Variants in KCTD16 observed in about 807,000 individuals in gnomAD.
KCTD16 encodes the protein potassium channel tetramerization domain containing 16.
In KCTD16, 13 loss-of-function variants were observed where a neutral mutation model predicts 33.2. The observed-to-expected ratio is 0.39, with a 90% CI of 0.25 to 0.62. The LOEUF (loss-of-function observed/expected upper bound fraction) is 0.62. Among genes scored for constraint, KCTD16 ranks in the 20% least tolerant of loss-of-function variants. The probability of loss-of-function intolerance (pLI) is 0.50; values close to 1 mark genes in which losing one functional copy is unlikely to be tolerated. For synonymous variants in KCTD16, 197 were observed against 195.3 expected (o/e 1.01, Z -0.07); for missense variants, 441 against 525.1 (o/e 0.84, Z 1.57).
chr5:144,388,303 G>A (rs528150678), intron 3 of KCTD16, among the ~76,000 whole-genome samples: 55 of 151,794 alleles, frequency 3.6e-4, no homozygotes, highest in African/African-American at 1.3e-3. Context: ...GGATGGTCTC[G>A]ATCTACTGAC....
At chr5:144,267,010 T>C (rs1454149380) in intron 3 of KCTD16, among the ~76,000 whole-genome samples, 4 of 152,232 alleles carry the variant, frequency 2.6e-5, no homozygotes, top group African/African-American at 9.6e-5. Context: ...ATATATATTT[T>C]TTTCCTTGAC....
chr5:144,294,968 G>C (rs749930084), intron 3 of KCTD16, among the ~76,000 whole-genome samples: 36 of 152,202 alleles, frequency 2.4e-4, no homozygotes, highest in African/African-American at 8.7e-4. Flanking sequence ...ACCTTTATCC[G>C]TACTGTTCAT....
chr5:144,207,131 T>C lies in KCTD16; in HGVS notation c.417T>C (p.Phe139=). 6.2e-7 allele frequency: 1 copy of C among 1,611,074 alleles called. No homozygotes were observed. Among genetic ancestry groups the C allele is most frequent in the Non-Finnish European group, 8.5e-7 (1 of 1,178,720 alleles). The part of the protein sequence containing the change: ...QSPDEFCHSD[F]EDASQGSDTR... ...CAGATGAATTCTGCCACAGTGACTT[T>C]GAAGATGCCTCCCAAGGAAGCGACA... The change falls in exon 3 of 4, where the codon TTT becomes TTC. Residue 139 remains phenylalanine (F), a synonymous_variant. Coordinates refer to ENST00000512467, the MANE Select transcript of KCTD16 (RefSeq NM_020768.4).
intron 3 of KCTD16, among the ~76,000 whole-genome samples, chr5:144,356,027 C>T (rs1165559648): frequency 6.6e-6 from 1 of 152,136 alleles, no homozygotes; most frequent in African/African-American, 2.4e-5. Flanking sequence ...AAGCTGAATT[C>T]TACTGAGTTT....
intron 3 of KCTD16, among the ~76,000 whole-genome samples, chr5:144,374,548 A>T (rs1374797003): frequency 6.6e-6 from 1 of 152,158 alleles, no homozygotes; most frequent in Non-Finnish European, 1.5e-5. Flanking sequence ...TTTCTTTAGA[A>T]AGCTAACTTT....
chr5:144,299,146 ATATTTT>A (rs1337983398), intron 3 of KCTD16, among the ~76,000 whole-genome samples: 15 of 10,294 alleles, frequency 1.5e-3, no homozygotes, highest in Non-Finnish European at 1.6e-3. Flanking sequence ...ATATATATAT[ATATTTT>A]TTTTTTTTTT....
At chr5:144,452,165 T>TATATATATATATATA (rs1561613198) in intron 3 of KCTD16, among the ~76,000 whole-genome samples, 5 of 148,258 alleles carry the variant, frequency 3.4e-5, no homozygotes, top group African/African-American at 1.3e-4. Context: ...TATATATATA[T>TATATATATATATATA]TCCTGTCACT....
At chr5:144,337,836 G>C (rs1407430735) in intron 3 of KCTD16, among the ~76,000 whole-genome samples, 2 of 152,108 alleles carry the variant, frequency 1.3e-5, no homozygotes, top group African/African-American at 4.8e-5. Context: ...AAGACCTTTA[G>C]AGCCAGAGTG....
At chr5:144,203,595 A>T (rs1328997875) in intron 2 of KCTD16, among the ~76,000 whole-genome samples, 1 of 152,008 alleles carries the variant, frequency 6.6e-6, no homozygotes, top group Non-Finnish European at 1.5e-5. Flanking sequence ...AAAGATTATA[A>T]TTTTTCTTAC....
chr5:144,305,554 G>A (rs1174439415), intron 3 of KCTD16, among the ~76,000 whole-genome samples: 3 of 152,252 alleles, frequency 2.0e-5, no homozygotes, highest in African/African-American at 4.8e-5. Context: ...AGTGGCTCAC[G>A]CCTGTAATCC....
At chr5:144,300,449 T>C (rs866370500) in intron 3 of KCTD16, among the ~76,000 whole-genome samples, 2 of 152,178 alleles carry the variant, frequency 1.3e-5, no homozygotes, top group South Asian at 2.1e-4. Context: ...AGGGTGCAAA[T>C]TGTCTCATGC....
intron 3 of KCTD16, among the ~76,000 whole-genome samples, chr5:144,470,444 G>C (rs2127000177): frequency 6.6e-6 from 1 of 152,326 alleles, no homozygotes; most frequent in Middle Eastern, 3.4e-3. Flanking sequence ...TAGGACTACA[G>C]TTGGGCTGTA....
intron 3 of KCTD16, among the ~76,000 whole-genome samples, chr5:144,299,148 ATTTTT>A (rs369343270): frequency 6.3e-3 from 89 of 14,026 alleles, no homozygotes; most frequent in East Asian, 0.023. Flanking sequence ...ATATATATAT[ATTTTT>A]TTTTTTTTTT....
At chr5:144,197,017 G>A (rs888115340) in intron 2 of KCTD16, among the ~76,000 whole-genome samples, 2 of 152,128 alleles carry the variant, frequency 1.3e-5, no homozygotes, top group African/African-American at 2.4e-5. Context: ...TCTTGTGCCC[G>A]GTATGTGTGT....
At chr5:144,299,517 T>C (rs565531901) in intron 3 of KCTD16, among the ~76,000 whole-genome samples, 27 of 152,162 alleles carry the variant, frequency 1.8e-4, no homozygotes, top group African/African-American at 6.5e-4. Context: ...CCCTCCAATA[T>C]TGGAATGAAA....
rs1253036517 is a variant in KCTD16 at position 144,453,954 on chromosome 5, T to G, written c.833-19706T>G. Among the ~76,000 whole-genome samples the G allele has an allele frequency of 3.9e-5, 6 of 152,228 alleles. No homozygotes were observed. In the East Asian group the frequency reaches 1.2e-3, roughly 29 times the overall value. On this transcript the variant is annotated intron_variant, in intron 3 of 3. Coordinates refer to ENST00000512467, the MANE Select transcript of KCTD16 (RefSeq NM_020768.4). ...GGTGACCTCATGTTCAGACTATCTGTGTAACACCGAGCCCAGTCAGTAAAC... is the reference window on the plus strand; with the variant it reads ...GGTGACCTCATGTTCAGACTATCTGGGTAACACCGAGCCCAGTCAGTAAAC...
At chr5:144,306,938 C>G (rs1002093449) in intron 3 of KCTD16, among the ~76,000 whole-genome samples, 4 of 152,210 alleles carry the variant, frequency 2.6e-5, no homozygotes, top group Admixed American at 2.0e-4. Flanking sequence ...AAAATTCTCT[C>G]TCCTCTGATC....
At position 144,474,253 on chromosome 5, in the gene KCTD16, GCC is replaced by G. The variant is rs1754546842; in HGVS notation, c.*140_*141del. On this transcript the variant is annotated 3_prime_UTR_variant, in exon 4 of 4. Transcript: ENST00000512467. Reference sequence around the variant, plus strand: ...CACAATAGTCCATTGATATACTACTGCCTACTTTACCTAGTTCACCTTAACAT... The same window carrying G: ...CACAATAGTCCATTGATATACTACTGTACTTTACCTAGTTCACCTTAACAT... The G allele has an allele frequency of 3.0e-6, 2 of 663,154 alleles. No homozygotes were observed. The highest frequency in any genetic ancestry group is 3.6e-5 in the African/African-American group (2 of 54,860). 41.1% of individuals were successfully genotyped at this position (663,154 alleles called of 1,614,324 possible). A position where few individuals can be genotyped will look rare whatever the true frequency, so the allele number is the denominator to read the frequency against.
At chr5:144,382,396 A>T (rs1042659462) in intron 3 of KCTD16, among the ~76,000 whole-genome samples, 7 of 152,136 alleles carry the variant, frequency 4.6e-5, no homozygotes, top group African/African-American at 1.7e-4. Context: ...ACTTGAAAAA[A>T]GATTTTAAAA....
Sources: allele counts gnomAD v4.1 joint callset (sites outside exome capture counted in the v4.1 genomes callset), GRCh38; gene constraint gnomAD v4.1.1; transcripts MANE v1.5; gene names NCBI Gene and HGNC (gene_info 2026-07-23, HGNC 2026-07-21).